The following LCP2 variants were observed in gnomAD, a reference collection of about 807,000 sequenced individuals.
The protein encoded by LCP2 is 76 kDa tyrosine phosphoprotein.
Under a neutral mutation model 74.5 loss-of-function variants are expected in LCP2, and 29 were observed. The ratio of observed to expected loss-of-function variants is 0.39; its 90% CI spans 0.29 to 0.53. The LOEUF (loss-of-function observed/expected upper bound fraction) is 0.53, where lower values mean the gene tolerates loss of function less well. Among genes scored for constraint, LCP2 ranks in the 20% least tolerant of loss-of-function variants. The pLI, the probability that LCP2 is intolerant of heterozygous loss-of-function variation, is 0.72. For missense variants in LCP2, 604 were observed against 634.6 expected (o/e 0.95, Z 0.52); for synonymous variants, 228 against 229.5 (o/e 0.99, Z 0.06).
chr5:170,281,877 C>T (rs979254317), intron 3 of LCP2, among the ~76,000 whole-genome samples: 2 of 152,344 alleles, frequency 1.3e-5, no homozygotes, highest in East Asian at 1.9e-4. Context: ...ACTCTCTTCT[C>T]CGTAAAGTTA....
At chr5:170,261,767 G>A (rs1761659240) in intron 13 of LCP2, among the ~76,000 whole-genome samples, 2 of 152,168 alleles carry the variant, frequency 1.3e-5, no homozygotes, top group African/African-American at 4.8e-5. Flanking sequence ...TGCACTGCCT[G>A]GGCCGTATAA....
intron 14 of LCP2, 124 bp downstream of exon 14, chr5:170,260,983 C>A: frequency 1.4e-6 from 1 of 720,494 alleles, no homozygotes; most frequent in Non-Finnish European, 2.5e-6. Flanking sequence ...GAGACGAGAC[C>A]CCTGGGTGCA....
intron 5 of LCP2, among the ~76,000 whole-genome samples, chr5:170,274,801 C>T (rs990923920): frequency 1.3e-5 from 2 of 151,956 alleles, no homozygotes; most frequent in South Asian, 2.1e-4. Flanking sequence ...ATGGTGAAAC[C>T]CCGTCTCTAC....
chr5:170,291,893 A>C (rs1380270292), intron 2 of LCP2, among the ~76,000 whole-genome samples: 1 of 152,244 alleles, frequency 6.6e-6, no homozygotes, highest in Non-Finnish European at 1.5e-5. Context: ...ATGGCACTAA[A>C]GCTCCAGGAA....
intron 2 of LCP2, among the ~76,000 whole-genome samples, chr5:170,289,671 T>TTCTCTC (rs1362284640): frequency 0.019 from 1,596 of 83,916 alleles, 22 homozygotes; most frequent in East Asian, 0.032. Context: ...CTTTCTTTCT[T>TTCTCTC]TCTCTCTCTC....
At chr5:170,269,856 G>A (rs1166586494) in intron 7 of LCP2, among the ~76,000 whole-genome samples, 1 of 152,134 alleles carries the variant, frequency 6.6e-6, no homozygotes, top group African/African-American at 2.4e-5. Flanking sequence ...CCACTTCCCT[G>A]TATATGAAAC....
At position 170,262,872 on chromosome 5, in the gene LCP2, G is replaced by A. The variant is rs1451180814; in HGVS notation, c.799-11C>T. On this transcript the variant is annotated splice_polypyrimidine_tract_variant and intron_variant, in intron 11 of 20. Coordinates refer to ENST00000046794, the MANE Select transcript of LCP2 (RefSeq NM_005565.5). ...CGCTGGAATCGAGGGCTGCAAGACA[G>A]GAGGAAAAATGTATGAGTGTCCAAG... 4.3e-6 allele frequency: 7 copies of A among 1,613,922 alleles called. No individual in the cohort carries two copies. Among genetic ancestry groups the A allele is most frequent in the Non-Finnish European group, 5.9e-6 (7 of 1,179,902 alleles).
At chr5:170,295,197 A>G (rs1762352796) in intron 1 of LCP2, among the ~76,000 whole-genome samples, 1 of 152,170 alleles carries the variant, frequency 6.6e-6, no homozygotes, top group Non-Finnish European at 1.5e-5. Flanking sequence ...GGAATTGGAG[A>G]GATTGAACAA....
intron 20 of LCP2, 91 bp downstream of exon 20, chr5:170,250,639 A>T: frequency 2.0e-6 from 2 of 1,016,386 alleles, no homozygotes; most frequent in Non-Finnish European, 3.1e-6. Flanking sequence ...AATTTGCCAT[A>T]CAGCACGGAC....
intron 20 of LCP2, among the ~76,000 whole-genome samples, chr5:170,250,477 A>G (rs1469654761): frequency 6.6e-6 from 1 of 152,214 alleles, no homozygotes; most frequent in African/African-American, 2.4e-5. Context: ...TTAAGTTAAC[A>G]TAGTTTTTCT....
chr5:170,250,844 T>G lies in LCP2; in HGVS notation c.1365A>C (p.Thr455=), dbSNP rs777214916. The G allele has an allele frequency of 1.1e-5, 18 of 1,613,516 alleles. No individual in the cohort carries two copies. The highest frequency in any genetic ancestry group is 4.5e-5 in the East Asian group (2 of 44,888). ...FLVRDSSKKT[T]TNPYVLMVLY... ...ACACCATGAGGACATATGGATTGGT[T>G]GTTGTTTTTTTAGAGCTGTCTCTGA... The change falls in exon 20 of 21, where the codon ACA becomes ACC. Residue 455 remains threonine, a synonymous_variant. Coordinates refer to ENST00000046794, the MANE Select transcript of LCP2 (RefSeq NM_005565.5).
Position 170,267,037 on chromosome 5 carries a change from G to C in LCP2, c.660C>G (p.Ser220Arg), listed in dbSNP as rs1345254066. The change falls in exon 9 of 21, where the codon AGC becomes AGG. Residue 220 changes from serine to arginine, a missense_variant. Transcript: ENST00000046794. Reference protein sequence around the residue: ...PPPQTNHEEPSRSRNHKTAKL... With the variant: ...PPPQTNHEEPRRSRNHKTAKL... ...TTGCCGTTTTGTGGTTTCTGCTTCT[G>C]CTGGGTTCTTCGTGGTTGGTCTGGG... 1.2e-6 allele frequency: 2 copies of C among 1,613,990 alleles called. No individual in the cohort carries two copies. Among genetic ancestry groups the C allele is most frequent in the Admixed American group, 3.3e-5 (2 of 60,030 alleles).
chr5:170,294,491 C>T (rs1431108438), intron 1 of LCP2, among the ~76,000 whole-genome samples: 1 of 152,190 alleles, frequency 6.6e-6, no homozygotes, highest in Non-Finnish European at 1.5e-5. Context: ...TGGGGTGGAG[C>T]ATTTGAGGTT....
At chr5:170,250,912 G>C in intron 19 of LCP2, 27 bp from the exon 20 acceptor site, 7 of 1,603,900 alleles carry the variant, frequency 4.4e-6, no homozygotes, top group Non-Finnish European at 6.0e-6. Flanking sequence ...CTGTTATTAT[G>C]GGAGCAGTAA....
At position 170,275,331 on chromosome 5, in the gene LCP2, G is replaced by C. The variant is rs1761988347; in HGVS notation, c.275C>G (p.Pro92Arg). 6 of 1,613,850 alleles carry C rather than the reference G, an allele frequency of 3.7e-6. No individual in the cohort carries two copies. The African/African-American group carries it at 8.0e-5, about 22-fold the overall frequency. Residue 92 changes from proline to arginine, a missense_variant, in exon 5 of 21, where the codon CCT becomes CGT. Physicochemically the swap from Pro to Arg is moderately radical, Grantham distance 103. Coordinates refer to ENST00000046794, the MANE Select transcript of LCP2 (RefSeq NM_005565.5). ...FTRKPQVPRF[P>R]EETESHEEDN... ...CCTGAGAGCTTTACCTGTCTCTTCA[G>C]GAAACCGCGGGACTTGGGGTCTGCA... is the stretch of plus-strand genomic sequence containing the variant.
intron 3 of LCP2, among the ~76,000 whole-genome samples, chr5:170,277,142 C>G (rs1762020816): frequency 6.6e-6 from 1 of 151,806 alleles, no homozygotes; most frequent in Admixed American, 6.6e-5. Flanking sequence ...AAAGGCCACC[C>G]CTTTTCCCAC....
At position 170,268,409 on chromosome 5, in the gene LCP2, GGGCGGGAGGGC is replaced by G; in HGVS notation, c.586_596del (p.Ala196ProfsTer52). On this transcript the variant is annotated frameshift_variant, in exon 8 of 21. Transcript: ENST00000046794. LOFTEE classifies it high-confidence loss of function. ...CCGAGTGATTCCGGCCGGCTGGTGG[GGGCGGGAGGGC>G]GGCCATCGGTCTCTGGGGGGGCACA... 1.3e-6 allele frequency: 1 copy of G among 769,142 alleles called. No individual in the cohort carries two copies. The highest frequency in any genetic ancestry group is 1.7e-6 in the Non-Finnish European group (1 of 585,400). 47.6% of individuals were successfully genotyped at this position (769,142 alleles called of 1,614,324 possible). A position where few individuals can be genotyped will look rare whatever the true frequency, so the allele number is the denominator to read the frequency against.
Position 170,248,619 on chromosome 5 carries a change from T to C in LCP2, c.*78A>G. ...GGGGTTCAGTTCAGTCCTAAGTGTT[T>C]GTCCATTGACCAAGGCTGATTGATC... is the stretch of plus-strand genomic sequence containing the variant. On this transcript the variant is annotated 3_prime_UTR_variant, in exon 21 of 21. Coordinates refer to ENST00000046794, the MANE Select transcript of LCP2 (RefSeq NM_005565.5). 6.6e-7 allele frequency: 1 copy of C among 1,526,482 alleles called. No homozygotes were observed. Among genetic ancestry groups the C allele is most frequent in the Non-Finnish European group, 9.0e-7 (1 of 1,110,542 alleles). 94.6% of individuals were successfully genotyped at this position (1,526,482 alleles called of 1,614,324 possible).
chr5:170,250,269 G>T (rs938903023), intron 20 of LCP2, among the ~76,000 whole-genome samples: 1 of 152,118 alleles, frequency 6.6e-6, no homozygotes, highest in Non-Finnish European at 1.5e-5. Context: ...TTTCTTTGGC[G>T]ATCTGGCCAT....
Sources: gnomAD v4.1 joint callset for allele counts (sites outside exome capture counted in the v4.1 genomes callset) on GRCh38, gnomAD v4.1.1 for gene constraint, MANE v1.5 for transcripts, NCBI Gene and HGNC (gene_info 2026-07-23, HGNC 2026-07-21) for gene names.